TENM4: variants seen among roughly 807,000 people sequenced by gnomAD.
TENM4 encodes the protein teneurin-4.
A neutral mutation model predicts 243.3 loss-of-function variants in TENM4; 82 were observed. That is an observed-to-expected ratio of 0.34 (90% CI 0.28 to 0.40). TENM4 has a LOEUF of 0.40. Among genes scored for constraint, TENM4 ranks in the 10% least tolerant of loss-of-function variants. The pLI is 1.00. For synonymous variants in TENM4, 1,412 were observed against 1,456.3 expected (o/e 0.97, Z 0.69); for missense variants, 3,138 against 3,673.3 (o/e 0.85, Z 3.77).
chr11:78,896,875 A>G (rs986302338), intron 7 of TENM4, among the ~76,000 whole-genome samples: 5 of 152,032 alleles, frequency 3.3e-5, no homozygotes, highest in African/African-American at 1.2e-4. Context: ...CATCTCTAAT[A>G]TGGGGATGAG....
chr11:79,429,942 T>G (rs566738348), intron 1 of TENM4, among the ~76,000 whole-genome samples: 1 of 152,306 alleles, frequency 6.6e-6, no homozygotes, highest in South Asian at 2.1e-4. Context: ...ATTAAGTAAT[T>G]TGACCAAGGT....
chr11:79,149,408 G>A (rs1862451957), intron 3 of TENM4, among the ~76,000 whole-genome samples: 1 of 152,080 alleles, frequency 6.6e-6, no homozygotes, highest in African/African-American at 2.4e-5. Flanking sequence ...TCTAAGTGCT[G>A]TCTTGGCTAT....
chr11:79,184,288 G>A (rs1330855668), intron 3 of TENM4, among the ~76,000 whole-genome samples: 1 of 152,158 alleles, frequency 6.6e-6, no homozygotes, highest in Admixed American at 6.5e-5. Context: ...GATAGCGGAG[G>A]AGGATGGTTT....
At chr11:79,310,858 A>C (rs1856707699) in intron 1 of TENM4, among the ~76,000 whole-genome samples, 1 of 152,254 alleles carries the variant, frequency 6.6e-6, no homozygotes, top group Admixed American at 6.5e-5. Context: ...ATGCAAAAAC[A>C]GAGAAGCCTG....
chr11:79,184,437 G>A (rs984173400), intron 3 of TENM4, among the ~76,000 whole-genome samples: 5 of 152,002 alleles, frequency 3.3e-5, no homozygotes, highest in Admixed American at 2.6e-4. Flanking sequence ...TCTGATAGGA[G>A]GCAGAGCTCA....
intron 6 of TENM4, among the ~76,000 whole-genome samples, chr11:78,954,796 GGGCACACCGCTGT>G (rs1244658970): frequency 1.3e-5 from 2 of 152,226 alleles, no homozygotes; most frequent in Non-Finnish European, 2.9e-5. Flanking sequence ...CCATTTAGGT[GGGCACACCGCTGT>G]GGCACAGACT....
chr11:78,808,776 C>A (rs1486551618), intron 14 of TENM4, among the ~76,000 whole-genome samples: 1 of 152,114 alleles, frequency 6.6e-6, no homozygotes, highest in Non-Finnish European at 1.5e-5. Context: ...TGACACCATT[C>A]AAAAATGGTT....
intron 12 of TENM4, among the ~76,000 whole-genome samples, chr11:78,850,135 G>A (rs1044997261): frequency 1.3e-5 from 2 of 152,056 alleles, no homozygotes; most frequent in Admixed American, 6.6e-5. Flanking sequence ...GTCTCTGTGC[G>A]TATATATTTG....
At chr11:79,160,857 A>T (rs533870) in intron 3 of TENM4, among the ~76,000 whole-genome samples, 3 of 152,054 alleles carry the variant, frequency 2.0e-5, no homozygotes, top group South Asian at 2.1e-4. Context: ...TCTCAGCCAA[A>T]GACTAGATTT....
chr11:79,237,771 C>T (rs946299985), intron 2 of TENM4, among the ~76,000 whole-genome samples: 8 of 152,178 alleles, frequency 5.3e-5, no homozygotes, highest in African/African-American at 1.2e-4. Context: ...CTGCAGTGCA[C>T]GGCCAAATAG....
In TENM4 at chr11:79,063,368, A is replaced by G. The variant is rs1293754326; in HGVS notation, c.493+1370T>C. On this transcript the variant is annotated intron_variant, in intron 6 of 33. Coordinates refer to ENST00000278550, the MANE Select transcript of TENM4 (RefSeq NM_001098816.3). ...ACGAGGATCTACATTTGAAGCTAGA[A>G]GCCAGCAGGGGGCACTGGCACCAGG... Among the ~76,000 whole-genome samples, 6 of 152,182 alleles carry G rather than the reference A, an allele frequency of 3.9e-5. No individual in the cohort carries two copies. In the East Asian group the frequency reaches 1.2e-3, roughly 29 times the overall value.
chr11:78,954,641 A>C (rs1857172222), intron 6 of TENM4, among the ~76,000 whole-genome samples: 1 of 152,246 alleles, frequency 6.6e-6, no homozygotes, highest in Admixed American at 6.5e-5. Context: ...TTATTTTTAC[A>C]GTTACCTTCT....
chr11:79,240,780 G>A (rs1565264550), intron 2 of TENM4, among the ~76,000 whole-genome samples: 1 of 151,966 alleles, frequency 6.6e-6, no homozygotes, highest in African/African-American at 2.4e-5. Context: ...CTTTCTCAAC[G>A]GGCCCTTTGC....
At chr11:78,686,265 T>C (rs950882919) in intron 29 of TENM4, among the ~76,000 whole-genome samples, 9 of 152,170 alleles carry the variant, frequency 5.9e-5, no homozygotes, top group African/African-American at 2.2e-4. Flanking sequence ...GAGCTGAACA[T>C]ACGGAGGTCC....
intron 1 of TENM4, among the ~76,000 whole-genome samples, chr11:79,305,674 G>A (rs1856614810): frequency 6.6e-6 from 1 of 152,242 alleles, no homozygotes; most frequent in South Asian, 2.1e-4. Flanking sequence ...TTCTAGCAAT[G>A]CGGTCATCCA....
At chr11:79,162,069 A>C (rs1204149532) in intron 3 of TENM4, among the ~76,000 whole-genome samples, 2 of 152,226 alleles carry the variant, frequency 1.3e-5, no homozygotes, top group African/African-American at 2.4e-5. Flanking sequence ...TATGGAAAGC[A>C]CAGCTCTTCT....
At chr11:78,709,247 G>A (rs960030611) in intron 26 of TENM4, among the ~76,000 whole-genome samples, 2 of 151,818 alleles carry the variant, frequency 1.3e-5, no homozygotes, top group Middle Eastern at 3.4e-3. Context: ...TTACAGGCGT[G>A]AGCCACCATG....
At chr11:79,380,992 G>A (rs1470148790) in intron 1 of TENM4, among the ~76,000 whole-genome samples, 1 of 152,136 alleles carries the variant, frequency 6.6e-6, no homozygotes, top group East Asian at 1.9e-4. Context: ...TGGAGGATTA[G>A]TGGAGATAAC....
intron 1 of TENM4, among the ~76,000 whole-genome samples, chr11:79,328,697 G>C (rs935253322): frequency 1.3e-5 from 2 of 152,146 alleles, no homozygotes; most frequent in Non-Finnish European, 2.9e-5. Context: ...CTTCTACAAC[G>C]TGCCCGCTTC....
Sources: gnomAD v4.1 joint callset for allele counts (sites outside exome capture counted in the v4.1 genomes callset) on GRCh38, gnomAD v4.1.1 for gene constraint, MANE v1.5 for transcripts, NCBI Gene and HGNC (gene_info 2026-07-23, HGNC 2026-07-21) for gene names.